The following DOP1A variants were observed in gnomAD, a reference collection of about 807,000 sequenced individuals.
DOP1A encodes the protein protein DOP1A.
DOP1A carries 90 observed loss-of-function variants against 267.6 expected under a neutral mutation model. That is an observed-to-expected ratio of 0.34 (90% CI 0.28 to 0.40). The LOEUF (loss-of-function observed/expected upper bound fraction) is 0.40, where lower values mean the gene tolerates loss of function less well. DOP1A is among the 10% of genes least tolerant of loss of function. The pLI, the probability that DOP1A is intolerant of heterozygous loss-of-function variation, is 1.00. For synonymous variants in DOP1A, 932 were observed against 999.1 expected, an observed-to-expected ratio of 0.93 and a Z score of 1.27; for missense variants, 2,437 against 2,900.4, an observed-to-expected ratio of 0.84 and a Z score of 3.67.
At chr6:83,083,649 G>A (rs1768546614) in intron 1 of DOP1A, among the ~76,000 whole-genome samples, 1 of 152,178 alleles carries the variant, frequency 6.6e-6, no homozygotes, top group Non-Finnish European at 1.5e-5. Context: ...AGAGTAATTT[G>A]TAAGTCAGTA....
intron 20 of DOP1A, among the ~76,000 whole-genome samples, chr6:83,136,448 A>G (rs1411121054): frequency 6.6e-6 from 1 of 152,134 alleles, no homozygotes; most frequent in Non-Finnish European, 1.5e-5. Context: ...CATTTAAGGG[A>G]CAAAGACTCT....
intron 4 of DOP1A, among the ~76,000 whole-genome samples, chr6:83,103,201 T>A (rs150764301): frequency 6.6e-6 from 1 of 152,302 alleles, no homozygotes; most frequent in Non-Finnish European, 1.5e-5. Flanking sequence ...CTGAATGGAA[T>A]TGGAGACCAT....
chr6:83,150,105 TG>T (rs1270682363), intron 27 of DOP1A, among the ~76,000 whole-genome samples: 1 of 152,218 alleles, frequency 6.6e-6, no homozygotes, highest in African/African-American at 2.4e-5. Flanking sequence ...CCACATGCGG[TG>T]GCTCATGCCT....
intron 30 of DOP1A, 88 bp downstream of exon 30, chr6:83,152,455 AT>A (rs1229015147): frequency 1.5e-5 from 8 of 536,678 alleles, no homozygotes; most frequent in Non-Finnish European, 2.4e-5. Context: ...GGAATTTCTA[AT>A]TTGAGAAACT....
In DOP1A at chr6:83,139,036, C is replaced by T. The variant is rs752769635; in HGVS notation, c.4994C>T (p.Thr1665Ile). 6.2e-7 allele frequency: 1 copy of T among 1,614,118 alleles called. No individual in the cohort carries two copies. Among genetic ancestry groups the T allele is most frequent in the South Asian group, 1.1e-5 (1 of 91,078 alleles). ...KMHPQWIGLITSTLPYMGKVL... is the reference protein window; with the variant it reads ...KMHPQWIGLIISTLPYMGKVL... ...CACCCACAATGGATTGGTTTAATCA[C>T]ATCTACTCTGCCTTACATGGGAAAA... is the stretch of plus-strand genomic sequence containing the variant. The change falls in exon 21 of 39, where the codon ACA becomes ATA. Residue 1665 changes from threonine to isoleucine, a missense_variant. This residue lies in a region of DOP1A where 307 missense variants were observed against 308.6 expected (regional missense o/e 0.99). Transcript: ENST00000349129.
Position 83,152,280 on chromosome 6 carries a change from A to G in DOP1A, c.6050-8A>G, listed in dbSNP as rs778442576. The G allele has an allele frequency of 1.0e-5, 16 of 1,528,120 alleles. No homozygotes were observed. The highest frequency in any genetic ancestry group is 1.4e-5 in the Non-Finnish European group (16 of 1,126,574). 94.7% of individuals were successfully genotyped at this position (1,528,120 alleles called of 1,614,324 possible). ...TTAGCCATATCTTTAATTTTCTCTT[A>G]TTTATAGATATGTTATCACCTGCAA... On this transcript the variant is annotated splice_polypyrimidine_tract_variant and splice_region_variant and intron_variant, in intron 29 of 38. Coordinates refer to ENST00000349129, the MANE Select transcript of DOP1A (RefSeq NM_015018.4).
chr6:83,130,154 C>G lies in DOP1A; in HGVS notation c.2373C>G (p.Leu791=). The G allele has an allele frequency of 6.2e-7, 1 of 1,614,026 alleles. No individual in the cohort carries two copies. Among genetic ancestry groups the G allele is most frequent in the Non-Finnish European group, 8.5e-7 (1 of 1,179,940 alleles). The change falls in exon 17 of 39, where the codon CTC becomes CTG. Residue 791 remains leucine, a synonymous_variant. Coordinates refer to ENST00000349129, the MANE Select transcript of DOP1A (RefSeq NM_015018.4). ...DCEHVQPPQW[L]QTLMNACSQA... ...AGCATGTGCAGCCTCCACAGTGGCT[C>G]CAGACTCTGATGAATGCTTGCAGCC...
At chr6:83,142,670 A>G (rs973257282) in intron 24 of DOP1A, among the ~76,000 whole-genome samples, 1 of 152,160 alleles carries the variant, frequency 6.6e-6, no homozygotes, top group African/African-American at 2.4e-5. Flanking sequence ...AAGCAAGGAT[A>G]TGGAGAAAAG....
At chr6:83,160,029 G>A in intron 37 of DOP1A, 69 bp downstream of exon 37, 1 of 1,484,028 alleles carries the variant, frequency 6.7e-7, no homozygotes, top group African/African-American at 1.4e-5. Flanking sequence ...TGACATCTAT[G>A]ACTAATTAAA....
intron 1 of DOP1A, among the ~76,000 whole-genome samples, chr6:83,086,393 CTG>C (rs1281369453): frequency 2.6e-5 from 4 of 152,098 alleles, no homozygotes; most frequent in African/African-American, 4.8e-5. Flanking sequence ...ATTGTCTTCA[CTG>C]TGAGTGGGCA....
chr6:83,074,052 T>C (rs1312020880), intron 1 of DOP1A, among the ~76,000 whole-genome samples: 2 of 152,216 alleles, frequency 1.3e-5, no homozygotes, highest in African/African-American at 4.8e-5. Context: ...TTGAAACCCA[T>C]GTTAGAAGCC....
intron 33 of DOP1A, 69 bp downstream of exon 33, chr6:83,154,310 T>A (rs761996568): frequency 2.8e-6 from 4 of 1,424,754 alleles, no homozygotes; most frequent in Admixed American, 3.4e-5. Flanking sequence ...TTACTTGTAC[T>A]CTTTTCTGGA....
intron 1 of DOP1A, among the ~76,000 whole-genome samples, chr6:83,074,867 G>A (rs925654482): frequency 6.6e-6 from 1 of 152,176 alleles, no homozygotes. Context: ...GCCCAGCAAT[G>A]CTAAATGAAA....
chr6:83,141,884 T>G, intron 23 of DOP1A, 37 bp from the exon 24 acceptor site: 1 of 1,572,028 alleles, frequency 6.4e-7, no homozygotes, highest in Middle Eastern at 1.7e-4. Flanking sequence ...TTTCATTTTT[T>G]AAAAGTTTCA....
At chr6:83,165,078 A>T in intron 38 of DOP1A, 1 of 180,274 alleles carries the variant, frequency 5.5e-6, no homozygotes, top group East Asian at 1.6e-4. Flanking sequence ...TATAGAGGGT[A>T]CAAGGATATT....
chr6:83,164,491 C>T (rs1346332121), intron 38 of DOP1A, among the ~76,000 whole-genome samples: 2 of 152,044 alleles, frequency 1.3e-5, no homozygotes, highest in Non-Finnish European at 2.9e-5. Flanking sequence ...CCTCCTTTAT[C>T]TAAATAATAA....
chr6:83,169,259 C>G (rs1485428567), downstream of DOP1A: 1 of 1,614,088 alleles, frequency 6.2e-7, no homozygotes, highest in Admixed American at 1.7e-5. Context: ...GGGCCTTTCT[C>G]CAATTCCTCC....
chr6:83,086,383 AT>A (rs1769245810), intron 1 of DOP1A, among the ~76,000 whole-genome samples: 2 of 152,204 alleles, frequency 1.3e-5, no homozygotes, highest in African/African-American at 4.8e-5. Flanking sequence ...CATGAACCTC[AT>A]TGTCTTCACT....
intron 1 of DOP1A, among the ~76,000 whole-genome samples, chr6:83,081,024 C>T (rs1303783087): frequency 6.6e-6 from 1 of 152,132 alleles, no homozygotes; most frequent in African/African-American, 2.4e-5. Flanking sequence ...CTATTGTAAC[C>T]AAAATAACAT....
Sources: allele counts gnomAD v4.1 joint callset (sites outside exome capture counted in the v4.1 genomes callset), GRCh38; gene constraint gnomAD v4.1.1; regional missense constraint gnomAD v4.1.1; transcripts MANE v1.5; gene names NCBI Gene and HGNC (gene_info 2026-07-23, HGNC 2026-07-21).